The following EPHB1 variants were observed in gnomAD, a reference collection of about 807,000 sequenced individuals.
EPHB1 encodes the protein ephrin type-B receptor 1.
A neutral mutation model predicts 94.4 loss-of-function variants in EPHB1; 30 were observed. The observed-to-expected ratio is 0.32, with a 90% CI of 0.24 to 0.43. The LOEUF is 0.43. Ranked by LOEUF, EPHB1 falls within the 20% of genes least tolerant of loss-of-function variation. The probability of loss-of-function intolerance (pLI) is 1.00; values close to 1 mark genes in which losing one functional copy is unlikely to be tolerated. For synonymous variants in EPHB1, 522 were observed against 489.1 expected (o/e 1.07, Z -0.89); for missense variants, 1,055 against 1,308.3 (o/e 0.81, Z 2.99).
chr3:135,225,437 G>A (rs1487018010), intron 12 of EPHB1, among the ~76,000 whole-genome samples: 1 of 152,194 alleles, frequency 6.6e-6, no homozygotes, highest in Non-Finnish European at 1.5e-5. Context: ...GAGTTCCTGT[G>A]ATGCCATCAA....
In EPHB1 at chr3:134,807,494, A is replaced by AGT. The variant is rs151336394; in HGVS notation, c.58+11835_58+11836dup. Reference sequence around the variant, plus strand: ...TAGAGTGGGAAGGATTTGGGGAAGGAGTGTGTGTGTGTGTGTGTGTGTGTG... The same window carrying AGT: ...TAGAGTGGGAAGGATTTGGGGAAGGAGTGTGTGTGTGTGTGTGTGTGTGTGTG... On this transcript the variant is annotated intron_variant, in intron 1 of 15. Transcript: ENST00000398015. Among the ~76,000 whole-genome samples the AGT allele has an allele frequency of 8.0e-3, 1,110 of 138,804 alleles. 7 individuals are homozygous for AGT. Among genetic ancestry groups the AGT allele is most frequent in the African/African-American group, 0.023 (852 of 37,002 alleles). 91.1% of individuals were successfully genotyped at this position (138,804 alleles called of 152,430 possible).
At chr3:134,803,512 C>G (rs998602172) in intron 1 of EPHB1, among the ~76,000 whole-genome samples, 1 of 152,078 alleles carries the variant, frequency 6.6e-6, no homozygotes, top group African/African-American at 2.4e-5. Context: ...GACTGGAGGT[C>G]GGTTTTTAGG....
chr3:135,192,410 G>T (rs1942484146), intron 10 of EPHB1, among the ~76,000 whole-genome samples, 166 bp from the exon 11 acceptor site: 1 of 51,840 alleles, frequency 1.9e-5, no homozygotes, highest in Non-Finnish European at 3.6e-5. Context: ...GCCATGAACT[G>T]GTTACAGCCA....
At chr3:135,188,261 C>T (rs1313250124) in intron 10 of EPHB1, among the ~76,000 whole-genome samples, 1 of 150,740 alleles carries the variant, frequency 6.6e-6, no homozygotes, top group African/African-American at 2.4e-5. Flanking sequence ...TTTTGGGAGC[C>T]CAAGGTGGGC....
At chr3:134,947,895 A>G (rs960880020) in intron 2 of EPHB1, among the ~76,000 whole-genome samples, 1 of 152,144 alleles carries the variant, frequency 6.6e-6, no homozygotes, top group African/African-American at 2.4e-5. Context: ...GGCTCAAGCA[A>G]TCCGCCCACT....
At chr3:134,906,732 A>G (rs1019667347) in intron 1 of EPHB1, among the ~76,000 whole-genome samples, 1 of 152,224 alleles carries the variant, frequency 6.6e-6, no homozygotes, top group Non-Finnish European at 1.5e-5. Flanking sequence ...CACTTATCAG[A>G]GCAGCCAGTG....
intron 4 of EPHB1, among the ~76,000 whole-genome samples, chr3:135,127,255 C>A (rs549916894): frequency 1.6e-4 from 25 of 152,334 alleles, no homozygotes; most frequent in African/African-American, 5.8e-4. Flanking sequence ...CACGTGTTCA[C>A]TTTTCTGGGG....
chr3:134,962,879 C>G (rs1933576383), intron 3 of EPHB1, among the ~76,000 whole-genome samples: 1 of 152,098 alleles, frequency 6.6e-6, no homozygotes, highest in African/African-American at 2.4e-5. Flanking sequence ...TCATCCCCTT[C>G]CCTGACCAGG....
At chr3:134,921,837 C>A (rs1327872233) in intron 1 of EPHB1, among the ~76,000 whole-genome samples, 1 of 152,186 alleles carries the variant, frequency 6.6e-6, no homozygotes, top group African/African-American at 2.4e-5. Context: ...GCTCTAGGCC[C>A]ATCCTGCAGA....
At chr3:134,915,801 C>T (rs974387484) in intron 1 of EPHB1, among the ~76,000 whole-genome samples, 3 of 152,130 alleles carry the variant, frequency 2.0e-5, no homozygotes, top group Non-Finnish European at 4.4e-5. Context: ...CAGACCTTCG[C>T]GGTGAGTGTT....
At chr3:135,064,860 T>G (rs899887013) in intron 3 of EPHB1, among the ~76,000 whole-genome samples, 2 of 152,182 alleles carry the variant, frequency 1.3e-5, no homozygotes, top group Admixed American at 6.5e-5. Context: ...ACTTTCCTCT[T>G]AGCACTGCCT....
At chr3:134,933,441 C>T (rs1194861206) in intron 2 of EPHB1, among the ~76,000 whole-genome samples, 1 of 141,350 alleles carries the variant, frequency 7.1e-6, no homozygotes. Context: ...GTACCGTGTC[C>T]ATTCCTGTGT....
At chr3:134,854,415 A>T (rs13078595) in intron 1 of EPHB1, among the ~76,000 whole-genome samples, 42,307 of 151,976 alleles carry the variant, frequency 0.28, 6,326 homozygotes, top group South Asian at 0.43. Flanking sequence ...CCTGGCTGCA[A>T]GGTTTCCACT....
chr3:135,129,582 G>A (rs1940346690), intron 4 of EPHB1, among the ~76,000 whole-genome samples: 1 of 152,226 alleles, frequency 6.6e-6, no homozygotes, highest in Non-Finnish European at 1.5e-5. Context: ...TCTGGGGATA[G>A]TAATTACAGA....
chr3:135,070,450 G>A (rs937388367), intron 3 of EPHB1, among the ~76,000 whole-genome samples: 5 of 152,162 alleles, frequency 3.3e-5, no homozygotes, highest in African/African-American at 9.7e-5. Flanking sequence ...CTAGACTTAC[G>A]CACCAGCATT....
At chr3:134,958,521 A>G (rs537332584) in intron 3 of EPHB1, among the ~76,000 whole-genome samples, 1 of 151,988 alleles carries the variant, frequency 6.6e-6, no homozygotes, top group Non-Finnish European at 1.5e-5. Context: ...CCCATCAGCT[A>G]TTGGCTGGTG....
At chr3:135,258,171 G>A (rs892048428) in intron 15 of EPHB1, among the ~76,000 whole-genome samples, 10 of 152,188 alleles carry the variant, frequency 6.6e-5, no homozygotes, top group African/African-American at 1.2e-4. Flanking sequence ...CGTCTTCTGC[G>A]TCGCTCACGC....
chr3:135,083,488 A>G (rs1027781621), intron 3 of EPHB1, among the ~76,000 whole-genome samples: 6 of 152,058 alleles, frequency 3.9e-5, no homozygotes, highest in Non-Finnish European at 8.8e-5. Context: ...TAGGCTGTCC[A>G]CAGGAAAAGT....
intron 1 of EPHB1, among the ~76,000 whole-genome samples, chr3:134,912,210 C>T (rs2038469187): frequency 6.6e-6 from 1 of 152,150 alleles, no homozygotes; most frequent in African/African-American, 2.4e-5. Flanking sequence ...TCTCATCTTG[C>T]CCACAAAGAG....
Sources: allele counts gnomAD v4.1 joint callset (sites outside exome capture counted in the v4.1 genomes callset), GRCh38; gene constraint gnomAD v4.1.1; transcripts MANE v1.5; gene names NCBI Gene and HGNC (gene_info 2026-07-23, HGNC 2026-07-21).